ZNF519: variants seen among roughly 807,000 people sequenced by gnomAD.
ZNF519 encodes similar to Zinc finger protein 85 (Zinc finger protein HPF4) (HTF1).
ZNF519 carries 7 observed loss-of-function variants against 7.4 expected under a neutral mutation model. The ratio of observed to expected loss-of-function variants is 0.94; its 90% CI spans 0.54 to 1.77. The LOEUF (loss-of-function observed/expected upper bound fraction) is 1.77, where lower values mean the gene tolerates loss of function less well. Among genes scored for constraint, ZNF519 ranks in the 40% most tolerant of loss-of-function variants. The pLI, the probability that ZNF519 is intolerant of heterozygous loss-of-function variation, is 0.00. For missense variants in ZNF519, 586 were observed against 623.1 expected, an observed-to-expected ratio of 0.94 and a Z score of 0.63; for synonymous variants, 179 against 203.3, an observed-to-expected ratio of 0.88 and a Z score of 1.02.
At chr18:14,076,343 G>T (rs2046047618) in exon 5 of ZNF519, 1 of 152,106 alleles carries the variant, frequency 6.6e-6, no homozygotes, top group South Asian at 2.1e-4. Context: ...CAATGAAGAT[G>T]CCTTAATTCC....
exon 5 of ZNF519, chr18:14,077,234 C>T (rs1567936410): frequency 6.6e-6 from 1 of 152,226 alleles, no homozygotes; most frequent in African/African-American, 2.4e-5. Flanking sequence ...AAGTTCAGCC[C>T]GTGGCTCACT....
At chr18:14,088,339 C>T (rs2046100143) in intron 2 of ZNF519, among the ~76,000 whole-genome samples, 1 of 152,186 alleles carries the variant, frequency 6.6e-6, no homozygotes. Flanking sequence ...CCAAGCAGTC[C>T]TGCACCATAG....
intron 4 of ZNF519, chr18:14,077,545 T>C (rs2046052396): frequency 6.6e-6 from 1 of 152,220 alleles, no homozygotes; most frequent in East Asian, 1.9e-4. Context: ...ACAATGACAG[T>C]ACACACTTGG....
chr18:14,074,288 A>C (rs2046039013), downstream of ZNF519: 2 of 152,168 alleles, frequency 1.3e-5, no homozygotes, highest in Admixed American at 1.3e-4. Flanking sequence ...AGAAATTGAG[A>C]ATTTCAGGAT....
At chr18:14,086,721 T>C (rs2046091995) in intron 2 of ZNF519, among the ~76,000 whole-genome samples, 1 of 152,146 alleles carries the variant, frequency 6.6e-6, no homozygotes, top group Non-Finnish European at 1.5e-5. Flanking sequence ...CTCTAGTCCT[T>C]CCAGGCCAGA....
At chr18:14,093,553 A>G (rs1023495284) in intron 2 of ZNF519, among the ~76,000 whole-genome samples, 19 of 150,676 alleles carry the variant, frequency 1.3e-4, no homozygotes, top group African/African-American at 3.9e-4. Context: ...GCTACTATTA[A>G]AAGAAAAACT....
chr18:14,122,116 T>C (rs2143160621), intron 2 of ZNF519: 1 of 152,328 alleles, frequency 6.6e-6, no homozygotes, highest in East Asian at 1.9e-4. Context: ...TCTTCCAATG[T>C]GACCCGGGGA....
At position 14,103,213 on chromosome 18, in the gene ZNF519, T is replaced by C. The variant is rs560569305; in HGVS notation, c.*1704A>G. The C allele has an allele frequency of 1.1e-4, 16 of 152,184 alleles. No homozygotes were observed. The highest frequency in any genetic ancestry group is 1.7e-4 in the African/African-American group (7 of 41,538). The allele number at this position is 152,184 out of a possible 1,614,324, so 9.4% of individuals were successfully genotyped here. On this transcript the variant is annotated 3_prime_UTR_variant, in exon 3 of 3. Transcript: ENST00000590202. ...AACACTGTAAACAAATATGAACTGA[T>C]AGAATTCTCAAATTTATAGAATTTT...
At chr18:14,106,459 A>G (rs1567948921) in intron 2 of ZNF519, 50 bp from the exon 3 acceptor site, 1 of 1,458,254 alleles carries the variant, frequency 6.9e-7, no homozygotes, top group Non-Finnish European at 9.1e-7. Flanking sequence ...TTTCAGTTGA[A>G]TATACTTTAC....
At chr18:14,113,803 T>C (rs2046233576) in intron 2 of ZNF519, among the ~76,000 whole-genome samples, 1 of 152,018 alleles carries the variant, frequency 6.6e-6, no homozygotes, top group South Asian at 2.1e-4. Context: ...TCACCAGCAT[T>C]TGTTATTGCC....
intron 2 of ZNF519, among the ~76,000 whole-genome samples, chr18:14,118,524 T>C (rs1179382397): frequency 3.3e-5 from 5 of 152,080 alleles, no homozygotes; most frequent in Admixed American, 6.6e-5. Context: ...AAACAGGCAG[T>C]AGAAAGATGA....
intron 2 of ZNF519, among the ~76,000 whole-genome samples, chr18:14,118,904 G>T (rs1338450361): frequency 6.6e-6 from 1 of 152,092 alleles, no homozygotes; most frequent in African/African-American, 2.4e-5. Context: ...CCCAGTTAGA[G>T]ACCTGTGAAA....
At chr18:14,098,451 C>T (rs1216608897), downstream of ZNF519, among the ~76,000 whole-genome samples, 8 of 152,148 alleles carry the variant, frequency 5.3e-5, no homozygotes, top group Non-Finnish European at 1.0e-4. Flanking sequence ...TGAGCCACCA[C>T]GCCTGGCCAA....
chr18:14,099,645 T>C (rs2143112421), downstream of ZNF519, among the ~76,000 whole-genome samples: 1 of 152,318 alleles, frequency 6.6e-6, no homozygotes, highest in Admixed American at 6.5e-5. Flanking sequence ...GGCCATGATA[T>C]TTTAACACAA....
intron 1 of ZNF519, among the ~76,000 whole-genome samples, chr18:14,129,955 G>A (rs1028755663): frequency 1.3e-5 from 2 of 152,170 alleles, no homozygotes; most frequent in African/African-American, 4.8e-5. Flanking sequence ...CATAGGGCAA[G>A]AAAAAGTGGT....
At chr18:14,130,767 G>A (rs971660839) in intron 1 of ZNF519, among the ~76,000 whole-genome samples, 11 of 151,474 alleles carry the variant, frequency 7.3e-5, no homozygotes, top group Non-Finnish European at 1.6e-4. Context: ...GACAGGAATA[G>A]TCTATCTTTT....
intron 1 of ZNF519, among the ~76,000 whole-genome samples, chr18:14,131,504 T>G (rs559904845): frequency 8.5e-5 from 13 of 152,246 alleles, no homozygotes; most frequent in Middle Eastern, 3.4e-3. Context: ...TGCCACACAT[T>G]TGGAAAATGC....
At chr18:14,088,091 C>T (rs907329237) in intron 2 of ZNF519, among the ~76,000 whole-genome samples, 1 of 152,200 alleles carries the variant, frequency 6.6e-6, no homozygotes, top group East Asian at 1.9e-4. Flanking sequence ...AGAGAAACTT[C>T]AGGAACATTT....
At chr18:14,091,829 G>C (rs2046115854) in intron 2 of ZNF519, among the ~76,000 whole-genome samples, 1 of 152,024 alleles carries the variant, frequency 6.6e-6, no homozygotes, top group Admixed American at 6.6e-5. Flanking sequence ...AGGACACCTG[G>C]GGTAAAGCTT....
Sources: allele counts gnomAD v4.1 joint callset (sites outside exome capture counted in the v4.1 genomes callset), GRCh38; gene constraint gnomAD v4.1.1; transcripts MANE v1.5; gene names NCBI Gene and HGNC (gene_info 2026-07-23, HGNC 2026-07-21).